Variants in TLE1 observed in about 807,000 individuals in gnomAD.
TLE1 encodes the protein transducin-like enhancer protein 1.
In TLE1, 21 loss-of-function variants were observed where a neutral mutation model predicts 89.8. The ratio of observed to expected loss-of-function variants is 0.23; its 90% CI spans 0.17 to 0.34. The LOEUF (loss-of-function observed/expected upper bound fraction) is 0.34, where lower values mean the gene tolerates loss of function less well. TLE1 is among the 10% of genes least tolerant of loss of function. TLE1 has a pLI of 1.00. For missense variants in TLE1, 795 were observed against 1,031.2 expected (o/e 0.77, Z 3.14); for synonymous variants, 447 against 407.6 (o/e 1.10, Z -1.16).
chr9:81,613,503 G>T lies in TLE1; in HGVS notation c.937C>A (p.Pro313Thr), dbSNP rs759596462. 1.9e-6 allele frequency: 3 copies of T among 1,614,158 alleles called. No individual in the cohort carries two copies. The highest frequency in any genetic ancestry group is 2.5e-6 in the Non-Finnish European group (3 of 1,180,036). Residue 313 changes from proline to threonine, a missense_variant, in exon 12 of 20, where the codon CCT (proline) becomes ACT (threonine). Physicochemically the swap from Pro to Thr is conservative, Grantham distance 38. Transcript: ENST00000376499. ...GTTGGTGTGCTGGATTTCAGAACAGGCGTGCTGGCTTTTTCATGCTGGTGT... is the reference window on the plus strand; with the variant it reads ...GTTGGTGTGCTGGATTTCAGAACAGTCGTGCTGGCTTTTTCATGCTGGTGT... ...EMSLHEKAST[P>T]VLKSSTPTPR...
chr9:81,676,026 T>C (rs1345592631), intron 4 of TLE1, among the ~76,000 whole-genome samples: 2 of 151,826 alleles, frequency 1.3e-5, no homozygotes, highest in African/African-American at 2.4e-5. Flanking sequence ...TTGATTCGAG[T>C]TTTTAATCTG....
chr9:81,601,136 T>C (rs988417121), intron 14 of TLE1, among the ~76,000 whole-genome samples: 1 of 152,150 alleles, frequency 6.6e-6, no homozygotes, highest in African/African-American at 2.4e-5. Context: ...AAAAGAGGGC[T>C]GAATCAATTT....
At position 81,613,521 on chromosome 9, in the gene TLE1, G is replaced by C; in HGVS notation, c.919C>G (p.His307Asp). 6.2e-7 allele frequency: 1 copy of C among 1,613,988 alleles called. No individual in the cohort carries two copies. The highest frequency in any genetic ancestry group is 8.5e-7 in the Non-Finnish European group (1 of 1,179,996). Reference protein sequence around the residue: ...TSLKSKEMSLHEKASTPVLKS... With the variant: ...TSLKSKEMSLDEKASTPVLKS... ...AGAACAGGCGTGCTGGCTTTTTCATGCTGGTGTCATTAAACAAATTAAATG... is the reference window on the plus strand; with the variant it reads ...AGAACAGGCGTGCTGGCTTTTTCATCCTGGTGTCATTAAACAAATTAAATG... The change falls in exon 12 of 20, where the codon CAT (histidine) becomes GAT (aspartate). Residue 307 changes from histidine (H) to aspartate (D), a missense_variant and splice_region_variant. Physicochemically the swap from His to Asp is moderately conservative, Grantham distance 81. Coordinates refer to ENST00000376499, the MANE Select transcript of TLE1 (RefSeq NM_005077.5).
At chr9:81,643,513 G>A (rs1247713259) in intron 6 of TLE1, among the ~76,000 whole-genome samples, 2 of 151,986 alleles carry the variant, frequency 1.3e-5, no homozygotes, top group Non-Finnish European at 2.9e-5. Context: ...TGGGATTACA[G>A]GCATGAGCCA....
intron 4 of TLE1, among the ~76,000 whole-genome samples, chr9:81,673,712 G>GGCC (rs779353223): frequency 1.3e-4 from 20 of 152,138 alleles, no homozygotes; most frequent in African/African-American, 2.2e-4. Flanking sequence ...ACGGGGAGGG[G>GGCC]GCGGCTTCTG....
rs1459205430 is a variant in TLE1 at position 81,688,423 on chromosome 9, G to A, written c.-183C>T. 3.1e-5 allele frequency: 18 copies of A among 584,030 alleles called. No individual in the cohort carries two copies. Among genetic ancestry groups the A allele is most frequent in the Non-Finnish European group, 4.1e-5 (15 of 361,720 alleles). 36.2% of individuals were successfully genotyped at this position (584,030 alleles called of 1,614,324 possible). On this transcript the variant is annotated 5_prime_UTR_variant, in exon 1 of 20. Transcript: ENST00000376499. ...GGCGCCCGCAGCTGCTCCGGCTCCC[G>A]CTCCCGTCGGTGCGGGCTCCGGCCC...
chr9:81,586,830 A>T (rs1033072371), intron 17 of TLE1, among the ~76,000 whole-genome samples: 1 of 152,204 alleles, frequency 6.6e-6, no homozygotes, highest in Admixed American at 6.5e-5. Context: ...TTATGTTGGG[A>T]AAGAGTGAAA....
At chr9:81,641,589 T>C (rs2132469032) in intron 6 of TLE1, among the ~76,000 whole-genome samples, 1 of 152,088 alleles carries the variant, frequency 6.6e-6, no homozygotes, top group Middle Eastern at 3.4e-3. Context: ...AATTAAAAAA[T>C]AAGTATCCTA....
chr9:81,688,158 C>A, intron 1 of TLE1, 59 bp downstream of exon 1: 1 of 1,593,422 alleles, frequency 6.3e-7, no homozygotes, highest in Non-Finnish European at 8.6e-7. Context: ...TCCCTACCGC[C>A]CGGGAGAAGC....
chr9:81,595,711 C>A (rs538539444), intron 14 of TLE1, among the ~76,000 whole-genome samples: 2 of 150,050 alleles, frequency 1.3e-5, no homozygotes, highest in East Asian at 4.0e-4. Flanking sequence ...CCCAGCTACT[C>A]GGGAGGCTGA....
intron 6 of TLE1, among the ~76,000 whole-genome samples, chr9:81,643,992 A>G (rs1206459592): frequency 2.0e-5 from 3 of 152,312 alleles, no homozygotes; most frequent in Admixed American, 6.5e-5. Flanking sequence ...TTTTGATTGA[A>G]AAGATGTTCA....
At chr9:81,603,345 G>A (rs1482199442) in intron 14 of TLE1, among the ~76,000 whole-genome samples, 1 of 152,126 alleles carries the variant, frequency 6.6e-6, no homozygotes, top group East Asian at 1.9e-4. Flanking sequence ...ATCCTGTTCA[G>A]GATATGCCAC....
In TLE1 at chr9:81,584,068, G is replaced by C. The variant is rs1457591906; in HGVS notation, c.*130C>G. ...GCCTCCTCTTTGTAGACTCAAAGTA[G>C]TTTTCTGTCAAGGTTTGGAAACAGG... On this transcript the variant is annotated 3_prime_UTR_variant, in exon 20 of 20. Transcript: ENST00000376499. The C allele has an allele frequency of 2.1e-5, 16 of 780,084 alleles. No homozygotes were observed. Among genetic ancestry groups the C allele is most frequent in the Non-Finnish European group, 3.3e-5 (16 of 483,144 alleles). 48.3% of individuals were successfully genotyped at this position (780,084 alleles called of 1,614,324 possible).
At chr9:81,659,185 G>T (rs1830483894) in intron 4 of TLE1, among the ~76,000 whole-genome samples, 1 of 152,124 alleles carries the variant, frequency 6.6e-6, no homozygotes, top group South Asian at 2.1e-4. Context: ...TGGGATTACA[G>T]GCGTGAGCCA....
intron 14 of TLE1, among the ~76,000 whole-genome samples, chr9:81,605,577 T>C (rs1484634923): frequency 2.0e-5 from 3 of 151,980 alleles, no homozygotes; most frequent in Non-Finnish European, 2.9e-5. Flanking sequence ...CGTAGAAAGC[T>C]GAAACTGAAT....
Position 81,637,412 on chromosome 9 carries a change from G to C in TLE1, c.373-3111C>G, listed in dbSNP as rs115138243. 6.5e-3 allele frequency among the ~76,000 whole-genome samples: 991 copies of C among 152,316 alleles called. 13 individuals are homozygous for C. Among genetic ancestry groups the C allele is most frequent in the African/African-American group, 0.022 (930 of 41,588 alleles). ...GATTCTGATATCTTACTGTGAAGAG[G>C]TGATGGCTTACATAATGGGGCTTTG... is the stretch of plus-strand genomic sequence containing the variant. On this transcript the variant is annotated intron_variant, in intron 6 of 19. Coordinates refer to ENST00000376499, the MANE Select transcript of TLE1 (RefSeq NM_005077.5).
At chr9:81,632,268 A>C (rs1340707700) in intron 8 of TLE1, among the ~76,000 whole-genome samples, 1 of 152,104 alleles carries the variant, frequency 6.6e-6, no homozygotes, top group East Asian at 1.9e-4. Flanking sequence ...ATAGGACAAG[A>C]ATTTTAAAAC....
chr9:81,626,147 T>G (rs1033444119), intron 8 of TLE1, among the ~76,000 whole-genome samples: 1 of 152,162 alleles, frequency 6.6e-6, no homozygotes, highest in African/African-American at 2.4e-5. Context: ...CAAATGGATT[T>G]CTTTAGCTGC....
intron 18 of TLE1, 76 bp from the exon 19 acceptor site, chr9:81,584,600 C>A: frequency 2.2e-6 from 3 of 1,364,244 alleles, no homozygotes; most frequent in South Asian, 2.4e-5. Context: ...TGGACTTAAT[C>A]AAACTAAGAA....
Sources: allele counts gnomAD v4.1 joint callset (sites outside exome capture counted in the v4.1 genomes callset), GRCh38; gene constraint gnomAD v4.1.1; transcripts MANE v1.5; gene names NCBI Gene and HGNC (gene_info 2026-07-23, HGNC 2026-07-21).